Variants in CNBD1 observed in about 807,000 individuals in gnomAD.
The protein encoded by CNBD1 is cyclic nucleotide binding domain containing 1.
CNBD1 carries 71 observed loss-of-function variants against 54.4 expected under a neutral mutation model. That is an observed-to-expected ratio of 1.30 (90% CI 1.08 to 1.59). The LOEUF (loss-of-function observed/expected upper bound fraction) is 1.59, where lower values mean the gene tolerates loss of function less well. Ranked by LOEUF, CNBD1 falls within the 40% of genes most tolerant of loss-of-function variation. CNBD1 has a pLI of 0.00. For synonymous variants in CNBD1, 182 were observed against 170.7 expected (o/e 1.07, Z -0.51); for missense variants, 659 against 518.0 (o/e 1.27, Z -2.64).
intron 4 of CNBD1, among the ~76,000 whole-genome samples, chr8:87,087,929 A>C (rs1811135084): frequency 6.6e-6 from 1 of 152,158 alleles, no homozygotes. Flanking sequence ...AGGCAAGAAC[A>C]TATTTTTGGC....
At chr8:87,304,163 G>A (rs1317295003) in intron 8 of CNBD1, among the ~76,000 whole-genome samples, 1 of 151,784 alleles carries the variant, frequency 6.6e-6, no homozygotes, top group Non-Finnish European at 1.5e-5. Flanking sequence ...TATAAATCAT[G>A]CTGCTATAAA....
intron 4 of CNBD1, among the ~76,000 whole-genome samples, chr8:87,065,664 G>C (rs1810633394): frequency 6.6e-6 from 1 of 151,896 alleles, no homozygotes; most frequent in Non-Finnish European, 1.5e-5. Flanking sequence ...ATAAGGGGAA[G>C]GCAACTCCGA....
chr8:87,030,319 G>A (rs1213006690), intron 4 of CNBD1, among the ~76,000 whole-genome samples: 3 of 152,100 alleles, frequency 2.0e-5, no homozygotes, highest in Admixed American at 6.6e-5. Flanking sequence ...TGATGTAATG[G>A]TATTGCTAAG....
At chr8:87,019,321 CT>C (rs1809434525) in intron 4 of CNBD1, among the ~76,000 whole-genome samples, 1 of 152,152 alleles carries the variant, frequency 6.6e-6, no homozygotes. Context: ...GGCTATAAGT[CT>C]TTTAACTCTT....
At chr8:87,306,590 G>A (rs1373199933) in intron 8 of CNBD1, among the ~76,000 whole-genome samples, 1 of 152,158 alleles carries the variant, frequency 6.6e-6, no homozygotes, top group Non-Finnish European at 1.5e-5. Flanking sequence ...CCATTAAAAG[G>A]AATGAGTTAA....
intron 4 of CNBD1, among the ~76,000 whole-genome samples, chr8:87,143,209 C>G (rs1812407894): frequency 6.6e-6 from 1 of 152,138 alleles, no homozygotes; most frequent in Non-Finnish European, 1.5e-5. Context: ...TAATTCCTAA[C>G]ATCAAGTCTT....
rs139364714 is a variant in CNBD1 at position 87,367,749 on chromosome 8, A to T, written c.1303+13963A>T. ...AGGAGAATAAAGTATAGAAAGATTA[A>T]GTGATATCAATGCTCTCTATCGAAA... On this transcript the variant is annotated intron_variant, in intron 10 of 10. Transcript: ENST00000518476. Among the ~76,000 whole-genome samples, 19 of 152,262 alleles carry T rather than the reference A, an allele frequency of 1.2e-4. No homozygotes were observed. The East Asian group carries it at 3.7e-3, about 30-fold the overall frequency.
At chr8:87,309,878 GA>G in intron 8 of CNBD1, among the ~76,000 whole-genome samples, 1 of 152,120 alleles carries the variant, frequency 6.6e-6, no homozygotes, top group Middle Eastern at 3.4e-3. Flanking sequence ...GTCCAAATAG[GA>G]AAAGAATAAG....
chr8:87,278,396 T>A (rs913271523), intron 6 of CNBD1, among the ~76,000 whole-genome samples: 3 of 151,278 alleles, frequency 2.0e-5, no homozygotes, highest in Non-Finnish European at 4.4e-5. Flanking sequence ...ATTAAACTAA[T>A]GTAAATCAAA....
intron 4 of CNBD1, among the ~76,000 whole-genome samples, chr8:86,971,303 G>T (rs1315593356): frequency 6.6e-6 from 1 of 152,126 alleles, no homozygotes; most frequent in Non-Finnish European, 1.5e-5. Flanking sequence ...ATCAGATCTT[G>T]TGAGAACTCA....
At chr8:87,303,705 C>A (rs1409062457) in intron 8 of CNBD1, among the ~76,000 whole-genome samples, 21 of 149,396 alleles carry the variant, frequency 1.4e-4, no homozygotes, top group African/African-American at 5.2e-4. Context: ...AGGCAACCTA[C>A]AGAATGGGAG....
At chr8:87,151,994 T>G (rs1292090399) in intron 4 of CNBD1, among the ~76,000 whole-genome samples, 6 of 152,150 alleles carry the variant, frequency 3.9e-5, no homozygotes, top group African/African-American at 1.4e-4. Flanking sequence ...CTTTCTTTTT[T>G]ATCATCTTAT....
intron 3 of CNBD1, 78 bp from the exon 4 acceptor site, chr8:86,939,518 C>T: frequency 8.0e-6 from 8 of 997,120 alleles, no homozygotes; most frequent in Admixed American, 5.6e-5. Flanking sequence ...ATTTATACTC[C>T]TGCAATATAG....
chr8:87,170,755 C>T (rs1813068080), intron 4 of CNBD1, among the ~76,000 whole-genome samples: 1 of 152,118 alleles, frequency 6.6e-6, no homozygotes, highest in South Asian at 2.1e-4. Context: ...GCTTTTTCAG[C>T]ATCGATTGAA....
chr8:87,109,974 T>C (rs570034845), intron 4 of CNBD1, among the ~76,000 whole-genome samples: 53 of 152,336 alleles, frequency 3.5e-4, no homozygotes, highest in Middle Eastern at 6.8e-3. Context: ...TTTCCTGATA[T>C]TCCAATTTTG....
intron 4 of CNBD1, among the ~76,000 whole-genome samples, chr8:86,976,187 CTT>C (rs71277906): frequency 8.4e-4 from 70 of 83,496 alleles, no homozygotes; most frequent in African/African-American, 3.2e-3. Flanking sequence ...GTGCATTGAC[CTT>C]TTTTTTTTTT....
intron 4 of CNBD1, among the ~76,000 whole-genome samples, chr8:87,180,839 T>C (rs903855470): frequency 1.3e-5 from 2 of 152,188 alleles, no homozygotes; most frequent in Non-Finnish European, 2.9e-5. Flanking sequence ...TTTTGCAGAA[T>C]AGTGCACTTC....
intron 4 of CNBD1, among the ~76,000 whole-genome samples, chr8:87,058,939 G>A (rs1269724577): frequency 2.0e-5 from 3 of 152,162 alleles, no homozygotes; most frequent in African/African-American, 7.2e-5. Flanking sequence ...TCATCAGTCT[G>A]CAAATTTTTG....
intron 4 of CNBD1, among the ~76,000 whole-genome samples, chr8:86,944,997 C>CACT (rs1265931187): frequency 7.9e-5 from 12 of 152,134 alleles, no homozygotes; most frequent in Middle Eastern, 3.2e-3. Flanking sequence ...TCAGTTTGAC[C>CACT]ACTAACATGA....
Sources: allele counts gnomAD v4.1 joint callset (sites outside exome capture counted in the v4.1 genomes callset), GRCh38; gene constraint gnomAD v4.1.1; transcripts MANE v1.5; gene names NCBI Gene and HGNC (gene_info 2026-07-23, HGNC 2026-07-21).